The following SDK1 variants were observed in gnomAD, a reference collection of about 807,000 sequenced individuals.
SDK1 encodes the protein sidekick cell adhesion molecule 1.
A neutral mutation model predicts 245.5 loss-of-function variants in SDK1; 157 were observed. The ratio of observed to expected loss-of-function variants is 0.64; its 90% CI spans 0.56 to 0.73. SDK1 has a LOEUF of 0.73. Ranked by LOEUF, SDK1 falls within the 30% of genes least tolerant of loss-of-function variation. The probability of loss-of-function intolerance (pLI) is 0.00; values close to 1 mark genes in which losing one functional copy is unlikely to be tolerated. For synonymous variants in SDK1, 1,647 were observed against 1,278.5 expected (o/e 1.29, Z -6.15); for missense variants, 3,583 against 3,002.3 (o/e 1.19, Z -4.52).
At chr7:4,162,605 G>T (rs1361011235) in intron 32 of SDK1, among the ~76,000 whole-genome samples, 1 of 151,928 alleles carries the variant, frequency 6.6e-6, no homozygotes, top group Non-Finnish European at 1.5e-5. Context: ...TCACCATGTT[G>T]ACCAGGCTGA....
intron 1 of SDK1, among the ~76,000 whole-genome samples, chr7:3,413,403 G>C (rs1779268029): frequency 6.6e-6 from 1 of 152,112 alleles, no homozygotes; most frequent in Admixed American, 6.6e-5. Context: ...TTGTTAAAAA[G>C]ATAACTTGGA....
chr7:3,325,232 C>T (rs190575042), intron 1 of SDK1, among the ~76,000 whole-genome samples: 14 of 152,066 alleles, frequency 9.2e-5, no homozygotes, highest in East Asian at 3.9e-4. Context: ...CACAAGGATT[C>T]GTGATCTGAG....
At chr7:3,589,160 C>G (rs973135473) in intron 1 of SDK1, among the ~76,000 whole-genome samples, 3 of 152,208 alleles carry the variant, frequency 2.0e-5, no homozygotes, top group Admixed American at 2.0e-4. Context: ...CTTTTGACGT[C>G]AGTACTGATC....
intron 1 of SDK1, among the ~76,000 whole-genome samples, chr7:3,314,202 G>C (rs1404600971): frequency 6.6e-6 from 1 of 152,180 alleles, no homozygotes; most frequent in Non-Finnish European, 1.5e-5. Flanking sequence ...TGGGGACTCA[G>C]ATTGGCACGT....
At chr7:3,853,195 C>G (rs1462890587) in intron 5 of SDK1, among the ~76,000 whole-genome samples, 2 of 152,104 alleles carry the variant, frequency 1.3e-5, no homozygotes, top group African/African-American at 4.8e-5. Flanking sequence ...TAAGGGTCAT[C>G]TGTACATTGA....
At chr7:4,113,980 C>T (rs1783524986) in intron 24 of SDK1, 57 bp from the exon 25 acceptor site, 1 of 1,475,896 alleles carries the variant, frequency 6.8e-7, no homozygotes, top group Non-Finnish European at 9.4e-7. Context: ...CCCTTACAAC[C>T]CGTGAGGGTG....
chr7:3,636,395 C>G (rs557240974), intron 2 of SDK1, among the ~76,000 whole-genome samples: 4 of 152,274 alleles, frequency 2.6e-5, no homozygotes, highest in African/African-American at 9.6e-5. Context: ...CTAGTGGCCA[C>G]CATTTCACAC....
At chr7:4,193,200 T>TTA (rs919509898) in intron 35 of SDK1, among the ~76,000 whole-genome samples, 13 of 132,448 alleles carry the variant, frequency 9.8e-5, no homozygotes, top group African/African-American at 3.8e-4. Flanking sequence ...ATTAATATAT[T>TTA]TATATATTAA....
rs111505915 is a variant in SDK1 at position 3,470,855 on chromosome 7, T to C, written c.299-148225T>C. Among the ~76,000 whole-genome samples the C allele has an allele frequency of 1.8e-4, 28 of 152,304 alleles. 1 individual carries two copies. Among genetic ancestry groups the C allele is most frequent in the African/African-American group, 5.3e-4 (22 of 41,574 alleles). ...ATATAAATGCAAATTTCTACTATTA[T>C]CATTTACTCACCTTGTATTATGTGC... On this transcript the variant is annotated intron_variant, in intron 1 of 44. Coordinates refer to ENST00000404826, the MANE Select transcript of SDK1 (RefSeq NM_152744.4).
intron 41 of SDK1, among the ~76,000 whole-genome samples, chr7:4,237,269 C>A (rs545619560): frequency 2.3e-4 from 35 of 151,800 alleles, no homozygotes; most frequent in Non-Finnish European, 4.1e-4. Context: ...CTGGATCAGG[C>A]AGTGTTTTTA....
chr7:3,358,078 G>T (rs566673529), intron 1 of SDK1, among the ~76,000 whole-genome samples: 2 of 152,036 alleles, frequency 1.3e-5, no homozygotes, highest in Non-Finnish European at 2.9e-5. Context: ...CTGGAGTGCA[G>T]TGACAGGATC....
intron 14 of SDK1, among the ~76,000 whole-genome samples, chr7:4,005,829 A>C (rs1345532002): frequency 1.3e-5 from 2 of 152,198 alleles, no homozygotes; most frequent in Non-Finnish European, 2.9e-5. Context: ...CCAGGTGTTC[A>C]AGACAAGCCT....
At chr7:3,918,918 T>G (rs1273918839) in intron 5 of SDK1, among the ~76,000 whole-genome samples, 1 of 152,244 alleles carries the variant, frequency 6.6e-6, no homozygotes, top group African/African-American at 2.4e-5. Flanking sequence ...CACATTTCAC[T>G]GCTTTTCAGA....
chr7:3,423,476 AT>A (rs550094752), intron 1 of SDK1, among the ~76,000 whole-genome samples: 4 of 151,934 alleles, frequency 2.6e-5, no homozygotes, highest in Admixed American at 6.6e-5. Context: ...TATAAGATAG[AT>A]TTTTTTGGGG....
intron 11 of SDK1, among the ~76,000 whole-genome samples, chr7:3,970,629 G>A (rs936246191): frequency 2.6e-5 from 4 of 152,172 alleles, no homozygotes; most frequent in African/African-American, 9.7e-5. Context: ...AAATTTTGTG[G>A]ATCTGCTGAG....
intron 1 of SDK1, among the ~76,000 whole-genome samples, chr7:3,405,256 A>T (rs1000957949): frequency 1.3e-5 from 2 of 152,014 alleles, no homozygotes; most frequent in Non-Finnish European, 2.9e-5. Context: ...CTGTATGAGT[A>T]CTCTGGTATT....
At chr7:3,927,681 T>C (rs1779820849) in intron 5 of SDK1, among the ~76,000 whole-genome samples, 1 of 152,384 alleles carries the variant, frequency 6.6e-6, no homozygotes, top group Middle Eastern at 3.4e-3. Flanking sequence ...GACACTGTCA[T>C]GTCCAACCTG....
At chr7:3,821,712 G>C in intron 5 of SDK1, 129 bp downstream of exon 5, 1 of 900,746 alleles carries the variant, frequency 1.1e-6, no homozygotes, top group South Asian at 2.1e-5. Context: ...GTTTAATATT[G>C]ATCCAGTGCC....
intron 5 of SDK1, among the ~76,000 whole-genome samples, chr7:3,854,272 G>A (rs1263457387): frequency 2.0e-5 from 3 of 152,146 alleles, no homozygotes; most frequent in African/African-American, 7.2e-5. Context: ...CTAGTTTTGT[G>A]ACTGAGAGAA....
Sources: allele counts gnomAD v4.1 joint callset (sites outside exome capture counted in the v4.1 genomes callset), GRCh38; gene constraint gnomAD v4.1.1; transcripts MANE v1.5; gene names NCBI Gene and HGNC (gene_info 2026-07-23, HGNC 2026-07-21).